The following ZFP64 variants were observed in gnomAD, a reference collection of about 807,000 sequenced individuals.
The protein encoded by ZFP64 is ZFP64 zinc finger protein.
Under a neutral mutation model 51.6 loss-of-function variants are expected in ZFP64, and 14 were observed. That is an observed-to-expected ratio of 0.27 (90% CI 0.18 to 0.42). The LOEUF is 0.42. Ranked by LOEUF, ZFP64 falls within the 10% of genes least tolerant of loss-of-function variation. The pLI is 1.00. For synonymous variants in ZFP64, 375 were observed against 361.4 expected (o/e 1.04, Z -0.43); for missense variants, 754 against 906.8 (o/e 0.83, Z 2.16).
chr20:52,160,232 G>C lies in ZFP64; in HGVS notation c.654C>G (p.Leu218=), dbSNP rs1213872299. Residue 218 remains leucine, a synonymous_variant, in exon 5 of 6, where the codon CTC becomes CTG. Transcript: ENST00000216923. The surrounding 1 kb of genome is among the most constrained non-coding windows in gnomAD (Gnocchi z 4.2). The stretch of plus-strand genomic sequence containing the variant: ...CCGAGTGGATCCTCAGGTGCTTGTT[G>C]AGGCTGCTGCTGTCGGCAGCGGCGT... ...CDYAAADSSS[L]NKHLRIHSDE... The C allele has an allele frequency of 1.2e-6, 2 of 1,614,194 alleles. No homozygotes were observed. The highest frequency in any genetic ancestry group is 3.3e-5 in the Admixed American group (2 of 60,012).
chr20:52,110,926 T>A (rs942625462), intron 5 of ZFP64: 18 of 1,588,162 alleles, frequency 1.1e-5, no homozygotes, highest in Non-Finnish European at 1.6e-5. Context: ...CTCATCCTGC[T>A]TCTCACCGTA....
intron 2 of ZFP64, among the ~76,000 whole-genome samples, chr20:52,184,475 A>C (rs1983822750): frequency 6.6e-6 from 1 of 152,198 alleles, no homozygotes; most frequent in African/African-American, 2.4e-5. Context: ...CTTCCCTGGA[A>C]TATAAGACCA....
intron 5 of ZFP64, among the ~76,000 whole-genome samples, chr20:52,126,769 C>T (rs1260850954): frequency 1.3e-5 from 2 of 152,092 alleles, no homozygotes; most frequent in South Asian, 2.1e-4. Flanking sequence ...GCCTTTTATG[C>T]ACCGTCTCCT....
chr20:52,088,328 G>A, intron 8 of ZFP64: 2 of 1,586,680 alleles, frequency 1.3e-6, no homozygotes, highest in East Asian at 2.2e-5. Context: ...GTGTTGTTAA[G>A]TAAATGAAGG....
At chr20:52,100,843 T>TG (rs1361236104) in intron 5 of ZFP64, among the ~76,000 whole-genome samples, 1 of 152,180 alleles carries the variant, frequency 6.6e-6, no homozygotes, top group Non-Finnish European at 1.5e-5. Context: ...TTAAACAAGA[T>TG]GAAAAAATAT....
At chr20:52,138,518 A>G (rs1301362379) in intron 5 of ZFP64, among the ~76,000 whole-genome samples, 3 of 152,120 alleles carry the variant, frequency 2.0e-5, no homozygotes, top group Non-Finnish European at 2.9e-5. Flanking sequence ...TTATTATGAG[A>G]TAAAGCATGA....
At chr20:52,104,603 G>T (rs1351872718) in intron 5 of ZFP64, 6 of 438,184 alleles carry the variant, frequency 1.4e-5, no homozygotes, top group South Asian at 1.0e-4. Context: ...TGACGCCCTG[G>T]GTCCCTGCGC....
chr20:52,176,266 A>T (rs2123090234), intron 2 of ZFP64, among the ~76,000 whole-genome samples: 1 of 152,196 alleles, frequency 6.6e-6, no homozygotes, highest in East Asian at 1.9e-4. Flanking sequence ...AAAAAACCCA[A>T]ACTGAGACTA....
At chr20:52,098,304 T>C (rs2079013760) in intron 6 of ZFP64, 2 of 1,262,078 alleles carry the variant, frequency 1.6e-6, no homozygotes, top group Admixed American at 4.7e-5. Flanking sequence ...GGAAGGCTGT[T>C]GTGTGCTGAT....
At chr20:52,097,215 C>T (rs2078997949) in intron 7 of ZFP64, 1 of 851,440 alleles carries the variant, frequency 1.2e-6, no homozygotes, top group Non-Finnish European at 2.1e-6. Flanking sequence ...CTTCATGTCA[C>T]AGCCCTTTTG....
intron 4 of ZFP64, among the ~76,000 whole-genome samples, chr20:52,161,780 G>T (rs539417478): frequency 1.3e-5 from 2 of 152,292 alleles, no homozygotes; most frequent in South Asian, 4.1e-4. Flanking sequence ...CCTGGTCTAG[G>T]CATGCAAATA....
intron 7 of ZFP64, among the ~76,000 whole-genome samples, chr20:52,093,818 G>A (rs1006032126): frequency 3.3e-5 from 5 of 152,146 alleles, no homozygotes; most frequent in South Asian, 4.1e-4. Flanking sequence ...GTAGGTCTAC[G>A]GTGCAGCTTG....
intron 2 of ZFP64, among the ~76,000 whole-genome samples, chr20:52,185,765 G>C (rs1983919258): frequency 6.6e-6 from 1 of 151,838 alleles, no homozygotes; most frequent in Non-Finnish European, 1.5e-5. Context: ...ATTTTTAGTA[G>C]AGACAGGGTT....
intron 5 of ZFP64, chr20:52,105,245 G>A: frequency 7.5e-7 from 1 of 1,335,104 alleles, no homozygotes; most frequent in Non-Finnish European, 9.5e-7. Flanking sequence ...CATGGCGCGA[G>A]GACCGGGCTC....
At chr20:52,139,205 C>T (rs960198137) in intron 5 of ZFP64, among the ~76,000 whole-genome samples, 11 of 152,138 alleles carry the variant, frequency 7.2e-5, no homozygotes, top group Admixed American at 4.6e-4. Context: ...GACACATGCA[C>T]GCATACGTTC....
Position 52,191,667 on chromosome 20 carries a change from G to A in ZFP64, c.-31C>T. 1 of 1,571,152 alleles carries A rather than the reference G, an allele frequency of 6.4e-7. No individual in the cohort carries two copies. Among genetic ancestry groups the A allele is most frequent in the Non-Finnish European group, 8.6e-7 (1 of 1,162,634 alleles). On this transcript the variant is annotated 5_prime_UTR_variant, in exon 1 of 6. Coordinates refer to ENST00000216923, the MANE Select transcript of ZFP64 (RefSeq NM_018197.3). This position sits in a 1 kb window ranked among gnomAD's most constrained non-coding sequence, Gnocchi z 4.3. ...CAGACTGGGAGGTCCCCGGCCGGCCGGGATGCCAAAGTGGGGGACGCTGAT... is the reference window on the plus strand; with the variant it reads ...CAGACTGGGAGGTCCCCGGCCGGCCAGGATGCCAAAGTGGGGGACGCTGAT...
intron 6 of ZFP64, among the ~76,000 whole-genome samples, chr20:52,097,588 G>A (rs2079003573): frequency 6.6e-6 from 1 of 151,762 alleles, no homozygotes; most frequent in Non-Finnish European, 1.5e-5. Context: ...CTGAGTAGCT[G>A]GGATTACAGG....
intron 5 of ZFP64, chr20:52,110,583 C>A: frequency 1.4e-6 from 1 of 728,068 alleles, no homozygotes. Flanking sequence ...GCCGCTGCTT[C>A]CAGAGGGCCT....
rs181631181 is a variant in ZFP64, at chr20:52,187,503, T to C, written c.47-432A>G. On this transcript the variant is annotated intron_variant, in intron 1 of 5. Transcript: ENST00000216923. ...TGGGCATGGTGGTGTGTGCCTATAATCCTAGCTACTCAGGAGGCTGAGGCA... is the reference window on the plus strand; with the variant it reads ...TGGGCATGGTGGTGTGTGCCTATAACCCTAGCTACTCAGGAGGCTGAGGCA... Among the ~76,000 whole-genome samples, 816 of 152,002 alleles carry C rather than the reference T, an allele frequency of 5.4e-3. 10 individuals are homozygous for C. The highest frequency in any genetic ancestry group is 0.019 in the African/African-American group (788 of 41,436).
Sources: gnomAD v4.1 joint callset for allele counts (sites outside exome capture counted in the v4.1 genomes callset) on GRCh38, gnomAD v4.1.1 for gene constraint, Gnocchi (gnomAD v3.1) non-coding constraint, MANE v1.5 for transcripts, NCBI Gene and HGNC (gene_info 2026-07-23, HGNC 2026-07-21) for gene names.